CDH4: variants seen among roughly 807,000 people sequenced by gnomAD.
The protein encoded by CDH4 is cadherin-4.
CDH4 carries 33 observed loss-of-function variants against 86.0 expected under a neutral mutation model. That is an observed-to-expected ratio of 0.38 (90% CI 0.29 to 0.51). The LOEUF (loss-of-function observed/expected upper bound fraction) is 0.51, where lower values mean the gene tolerates loss of function less well. CDH4 is among the 20% of genes least tolerant of loss of function. CDH4 has a pLI of 0.86. For synonymous variants in CDH4, 555 were observed against 549.4 expected (o/e 1.01, Z -0.14); for missense variants, 1,114 against 1,307.4 (o/e 0.85, Z 2.28).
chr20:61,687,295 C>T lies in CDH4; in HGVS notation c.170-56268C>T, dbSNP rs369071891. On this transcript the variant is annotated intron_variant, in intron 2 of 15. Transcript: ENST00000614565. ...TGGACAGTGTCTGCTCTTCCCCTTT[C>T]CCTGTTGGGATAACTTGTTCAGGGG... is the stretch of plus-strand genomic sequence containing the variant. Among the ~76,000 whole-genome samples, 164 of 152,352 alleles carry T rather than the reference C, an allele frequency of 1.1e-3. 4 individuals carry two copies. The South Asian group carries it at 0.033, about 31-fold the overall frequency.
chr20:61,863,021 G>A (rs60897864), intron 6 of CDH4, among the ~76,000 whole-genome samples: 265 of 152,218 alleles, frequency 1.7e-3, no homozygotes, highest in African/African-American at 6.0e-3. Flanking sequence ...CTTGAAAGTC[G>A]TCTGAATATT....
chr20:61,378,108 G>T (rs1195003273), intron 2 of CDH4, among the ~76,000 whole-genome samples: 1 of 152,124 alleles, frequency 6.6e-6, no homozygotes, highest in Non-Finnish European at 1.5e-5. Flanking sequence ...ACAAATATAA[G>T]CTGGGCATGG....
chr20:61,643,470 A>C (rs1226672646), intron 2 of CDH4, among the ~76,000 whole-genome samples: 1 of 152,218 alleles, frequency 6.6e-6, no homozygotes, highest in Non-Finnish European at 1.5e-5. Flanking sequence ...CAAGGCCACT[A>C]GGGGGACCAT....
At chr20:61,595,575 C>T (rs140481094) in intron 2 of CDH4, among the ~76,000 whole-genome samples, 34 of 152,352 alleles carry the variant, frequency 2.2e-4, no homozygotes, top group African/African-American at 7.7e-4. Flanking sequence ...CAGGAGTTAA[C>T]GTTTTCTGTT....
At chr20:61,683,945 G>T (rs148237780) in intron 2 of CDH4, among the ~76,000 whole-genome samples, 3 of 152,196 alleles carry the variant, frequency 2.0e-5, no homozygotes, top group Non-Finnish European at 4.4e-5. Flanking sequence ...TCTTCCTGGC[G>T]GTGGGTGAGA....
At chr20:61,790,075 A>G (rs1187512966) in intron 4 of CDH4, among the ~76,000 whole-genome samples, 1 of 151,946 alleles carries the variant, frequency 6.6e-6, no homozygotes, top group Non-Finnish European at 1.5e-5. Context: ...ACACCCATCC[A>G]TCTGTTCATC....
chr20:61,749,879 G>A (rs1019262657), intron 3 of CDH4, among the ~76,000 whole-genome samples: 1 of 152,168 alleles, frequency 6.6e-6, no homozygotes, highest in Admixed American at 6.5e-5. Flanking sequence ...CAGCCAACGT[G>A]GTGAAACCCT....
At position 61,852,873 on chromosome 20, in the gene CDH4, C is replaced by G; in HGVS notation, c.852C>G (p.Gly284=). The change falls in exon 6 of 16, where the codon GGC becomes GGG. Residue 284 remains glycine (G), a synonymous_variant. Coordinates refer to ENST00000614565, the MANE Select transcript of CDH4 (RefSeq NM_001794.5). ...RPEFINQVYN[G]SVDEGSKPGT... ...AGTTCATCAACCAGGTCTACAACGGCTCCGTGGACGAGGGCTCCAAGCCAG... is the reference window on the plus strand; with the variant it reads ...AGTTCATCAACCAGGTCTACAACGGGTCCGTGGACGAGGGCTCCAAGCCAG... 6.2e-7 allele frequency: 1 copy of G among 1,613,958 alleles called. No individual in the cohort carries two copies. The highest frequency in any genetic ancestry group is 8.5e-7 in the Non-Finnish European group (1 of 1,179,924).
At chr20:61,884,915 A>G (rs1984472552) in intron 7 of CDH4, among the ~76,000 whole-genome samples, 1 of 152,074 alleles carries the variant, frequency 6.6e-6, no homozygotes, top group Non-Finnish European at 1.5e-5. Context: ...GCCCCGGGCT[A>G]AGAGTAGGCA....
intron 2 of CDH4, among the ~76,000 whole-genome samples, chr20:61,258,046 T>C (rs1174398446): frequency 6.6e-6 from 1 of 152,054 alleles, no homozygotes; most frequent in Non-Finnish European, 1.5e-5. Context: ...AAAGAGGAGC[T>C]TGGCTGGGTG....
intron 2 of CDH4, among the ~76,000 whole-genome samples, chr20:61,496,352 C>T (rs960540931): frequency 6.7e-6 from 1 of 149,536 alleles, no homozygotes; most frequent in Non-Finnish European, 1.5e-5. Context: ...TGCAGTGAGC[C>T]GATCACGCCA....
intron 2 of CDH4, among the ~76,000 whole-genome samples, chr20:61,536,562 A>G (rs1383964287): frequency 1.3e-5 from 2 of 151,986 alleles, no homozygotes; most frequent in Admixed American, 6.6e-5. Context: ...CTCCCCAGGC[A>G]CCCCCATTGC....
In CDH4 at chr20:61,921,693, A is replaced by C. The variant is rs528441592; in HGVS notation, c.1375-1758A>C. Among the ~76,000 whole-genome samples the C allele has an allele frequency of 9.4e-4, 141 of 150,194 alleles. 1 individual carries two copies. The highest frequency in any genetic ancestry group is 3.4e-3 in the Middle Eastern group (1 of 292). On this transcript the variant is annotated intron_variant, in intron 9 of 15. Coordinates refer to ENST00000614565, the MANE Select transcript of CDH4 (RefSeq NM_001794.5). ...CTTGAAGCCAGGAGGCAGAGGTTGC[A>C]GTGAGCCGAGATCATGCCACTGCAC... is the stretch of plus-strand genomic sequence containing the variant.
At chr20:61,828,591 G>A (rs770823865) in intron 4 of CDH4, among the ~76,000 whole-genome samples, 1 of 152,212 alleles carries the variant, frequency 6.6e-6, no homozygotes, top group Non-Finnish European at 1.5e-5. Flanking sequence ...CAGAGGTCCT[G>A]AGGGGAGGGT....
intron 4 of CDH4, among the ~76,000 whole-genome samples, chr20:61,820,761 C>T (rs1980978767): frequency 6.6e-6 from 1 of 152,168 alleles, no homozygotes; most frequent in Non-Finnish European, 1.5e-5. Context: ...TCCCAAGACC[C>T]TCATCAGCTT....
chr20:61,451,884 T>G (rs1416396062), intron 2 of CDH4, among the ~76,000 whole-genome samples: 1 of 152,224 alleles, frequency 6.6e-6, no homozygotes, highest in Non-Finnish European at 1.5e-5. Context: ...GCTCTTCTCA[T>G]GCCTAGGCAC....
intron 2 of CDH4, among the ~76,000 whole-genome samples, chr20:61,576,905 G>A (rs1007549703): frequency 6.6e-6 from 1 of 152,218 alleles, no homozygotes; most frequent in Non-Finnish European, 1.5e-5. Context: ...GGTCTTGGGA[G>A]ATTTCATTAT....
chr20:61,733,777 G>T (rs2088226773), intron 2 of CDH4, among the ~76,000 whole-genome samples: 2 of 152,300 alleles, frequency 1.3e-5, no homozygotes, highest in Admixed American at 6.5e-5. Context: ...GAACCTGAGG[G>T]TTTGAAACTC....
At chr20:61,766,954 T>C (rs1457522216) in intron 3 of CDH4, among the ~76,000 whole-genome samples, 2 of 152,216 alleles carry the variant, frequency 1.3e-5, no homozygotes, top group Admixed American at 6.5e-5. Context: ...TCGTGGGCCC[T>C]GTGGGAAGTG....
Sources: gnomAD v4.1 joint callset for allele counts (sites outside exome capture counted in the v4.1 genomes callset) on GRCh38, gnomAD v4.1.1 for gene constraint, MANE v1.5 for transcripts, NCBI Gene and HGNC (gene_info 2026-07-23, HGNC 2026-07-21) for gene names.